MCF2L: variants seen among roughly 807,000 people sequenced by gnomAD.
MCF2L encodes the protein guanine nucleotide exchange factor DBS.
In MCF2L, 97 loss-of-function variants were observed where a neutral mutation model predicts 153.4. The ratio of observed to expected loss-of-function variants is 0.63; its 90% CI spans 0.54 to 0.75. The LOEUF (loss-of-function observed/expected upper bound fraction) is 0.75, where lower values mean the gene tolerates loss of function less well. MCF2L is among the 30% of genes least tolerant of loss of function. The pLI is 0.00. For synonymous variants in MCF2L, 659 were observed against 632.2 expected (o/e 1.04, Z -0.64); for missense variants, 1,347 against 1,495.2 (o/e 0.90, Z 1.64).
At chr13:113,094,942 A>C (rs1208599047) in intron 27 of MCF2L, 14 of 1,384,906 alleles carry the variant, frequency 1.0e-5, no homozygotes, top group African/African-American at 1.5e-5. Flanking sequence ...TCTCAGCAGC[A>C]CTTTGTGTTT....
chr13:113,091,621 C>T (rs1230608141), intron 26 of MCF2L, among the ~76,000 whole-genome samples: 1 of 152,094 alleles, frequency 6.6e-6, no homozygotes, highest in Non-Finnish European at 1.5e-5. Flanking sequence ...CTGGCAGGGC[C>T]GACCCGGACC....
chr13:113,073,023 C>G (rs9577205), intron 9 of MCF2L, among the ~76,000 whole-genome samples: 9,804 of 139,322 alleles, frequency 0.07, 474 homozygotes, highest in East Asian at 0.25. Flanking sequence ...TTTTCATTTA[C>G]TCCAGCTTTT....
At chr13:112,986,556 C>G (rs1169062957) in intron 1 of MCF2L, among the ~76,000 whole-genome samples, 1 of 152,240 alleles carries the variant, frequency 6.6e-6, no homozygotes, top group Non-Finnish European at 1.5e-5. Flanking sequence ...GGCGGTGCTC[C>G]CGGGAGACCA....
chr13:112,919,960 CT>C (rs1456257334), intron 2 of MCF2L, among the ~76,000 whole-genome samples: 1 of 152,194 alleles, frequency 6.6e-6, no homozygotes, highest in Non-Finnish European at 1.5e-5. Flanking sequence ...CTCTTTCCTT[CT>C]TTTCTTATGG....
intron 1 of MCF2L, among the ~76,000 whole-genome samples, chr13:112,985,697 C>T (rs1302724008): frequency 6.6e-6 from 1 of 152,180 alleles, no homozygotes; most frequent in Non-Finnish European, 1.5e-5. Context: ...TAATTTATGT[C>T]ACAGTTACCA....
chr13:112,968,745 C>T (rs534123761), upstream of MCF2L: 4 of 1,381,548 alleles, frequency 2.9e-6, 1 homozygote, highest in African/African-American at 6.1e-5. Context: ...GGCGCGGCCC[C>T]GCGGAGGCAG....
In MCF2L at chr13:112,971,884, C is replaced by T. The variant is rs562816929; in HGVS notation, c.79+2426C>T. 8.5e-5 allele frequency among the ~76,000 whole-genome samples: 13 copies of T among 152,260 alleles called. 1 individual carries two copies. The highest frequency in any genetic ancestry group is 3.9e-4 in the East Asian group (2 of 5,190). ...CATTGGTGAAAAGGTAGAAGACATT[C>T]GAGGGAGCAATGCTATGGATCTAGT... On this transcript the variant is annotated intron_variant, in intron 1 of 29. Coordinates refer to ENST00000535094, the MANE Select transcript of MCF2L (RefSeq NM_001112732.3).
At position 113,097,068 on chromosome 13, in the gene MCF2L, A is replaced by G. The variant is rs1404133488; in HGVS notation, c.*209A>G. 3 of 369,856 alleles carry G rather than the reference A, an allele frequency of 8.1e-6. No homozygotes were observed. 22.9% of individuals were successfully genotyped at this position (369,856 alleles called of 1,614,324 possible). A position where few individuals can be genotyped will look rare whatever the true frequency, so the allele number is the denominator to read the frequency against. ...GGCTTCCCCGGAGACTCCAGAGCCCACAGAGGAGGGGCCGCAGGGAACAGC... is the reference window on the plus strand; with the variant it reads ...GGCTTCCCCGGAGACTCCAGAGCCCGCAGAGGAGGGGCCGCAGGGAACAGC... On this transcript the variant is annotated 3_prime_UTR_variant, in exon 30 of 30. Transcript: ENST00000535094.
intron 1 of MCF2L, chr13:113,002,021 GGT>G (rs1259654472): frequency 4.0e-6 from 6 of 1,517,236 alleles, no homozygotes; most frequent in Non-Finnish European, 4.4e-6. Flanking sequence ...CTCCCCGGAA[GGT>G]GTTGTGGGGC....
At chr13:113,023,654 C>T (rs549227442) in intron 2 of MCF2L, among the ~76,000 whole-genome samples, 268 of 152,304 alleles carry the variant, frequency 1.8e-3, no homozygotes, top group Non-Finnish European at 2.7e-3. Context: ...GCTTGAAAAG[C>T]CCTATTTTAC....
chr13:112,900,092 G>C (rs1218364997), intron 1 of MCF2L, among the ~76,000 whole-genome samples: 1 of 152,192 alleles, frequency 6.6e-6, no homozygotes, highest in Non-Finnish European at 1.5e-5. Context: ...GGAGGTTTCA[G>C]ATCACGATCA....
intron 2 of MCF2L, among the ~76,000 whole-genome samples, chr13:112,911,607 G>C (rs1057310059): frequency 9.9e-5 from 15 of 152,156 alleles, no homozygotes; most frequent in African/African-American, 3.4e-4. Flanking sequence ...TGGTCACCCG[G>C]GCTGCAGGCG....
In MCF2L at chr13:113,088,624, A is replaced by G. The variant is rs776828901; in HGVS notation, c.2830A>G (p.Thr944Ala). ...CCTGCCCCTGCCGGCCCCGACCAGCACCAGGTGAGAATGGACACGCTGCCG... is the reference window on the plus strand; with the variant it reads ...CCTGCCCCTGCCGGCCCCGACCAGCGCCAGGTGAGAATGGACACGCTGCCG... Reference protein sequence around the residue: ...QSLPLPAPTSTSPSRGNSRNI... With the variant: ...QSLPLPAPTSASPSRGNSRNI... Residue 944 changes from threonine to alanine, a missense_variant, in exon 25 of 30, where the codon ACC (threonine) becomes GCC (alanine). Physicochemically the swap from Thr to Ala is moderately conservative, Grantham distance 58 (BLOSUM62 0). Around this residue, in one of 3 missense-constraint regions of MCF2L, gnomAD observed 383 missense variants for 335.4 expected, o/e 1.14. Transcript: ENST00000535094. The G allele has an allele frequency of 1.9e-6, 3 of 1,606,762 alleles. No individual in the cohort carries two copies. Among genetic ancestry groups the G allele is most frequent in the Non-Finnish European group, 2.5e-6 (3 of 1,179,758 alleles).
chr13:112,917,873 G>A (rs958791848), intron 2 of MCF2L, among the ~76,000 whole-genome samples: 9 of 152,262 alleles, frequency 5.9e-5, no homozygotes, highest in African/African-American at 2.2e-4. Flanking sequence ...CTCTGACCTA[G>A]CCTCACCTGC....
chr13:112,906,093 C>T (rs1308765915), intron 2 of MCF2L, among the ~76,000 whole-genome samples: 1 of 152,190 alleles, frequency 6.6e-6, no homozygotes, highest in Non-Finnish European at 1.5e-5. Flanking sequence ...CATTGATGAG[C>T]TTATTTTCCA....
upstream of MCF2L, chr13:112,967,899 G>A (rs1177454055): frequency 5.6e-6 from 1 of 178,980 alleles, no homozygotes; most frequent in Non-Finnish European, 1.2e-5. Context: ...TGCCGGAATG[G>A]TACACGGATG....
chr13:113,087,490 TGGCC>T, intron 22 of MCF2L, 34 bp downstream of exon 22: 2 of 1,529,646 alleles, frequency 1.3e-6, no homozygotes, highest in Non-Finnish European at 1.8e-6. Context: ...AGCACGCTCC[TGGCC>T]ACAGACCCCG....
At chr13:112,966,339 G>T (rs557944971), upstream of MCF2L, among the ~76,000 whole-genome samples, 6 of 152,352 alleles carry the variant, frequency 3.9e-5, no homozygotes, top group South Asian at 4.1e-4. This position sits in a 1 kb window ranked among gnomAD's most constrained non-coding sequence, Gnocchi z 4.1. Context: ...ACTGGGGAGA[G>T]TTGGGTTGCA....
chr13:113,027,118 G>T lies in MCF2L; in HGVS notation c.278+2360G>T, dbSNP rs1405151693. 1 of 717,680 alleles carries T rather than the reference G, an allele frequency of 1.4e-6. No homozygotes were observed. The highest frequency in any genetic ancestry group is 2.5e-6 in the Non-Finnish European group (1 of 393,392). The allele number at this position is 717,680 out of a possible 1,614,324, so 44.5% of individuals were successfully genotyped here. ...ACATAAGGTGGCAAAACACAGAGGA[G>T]ATGTTTAACCATCAGCGTGAAAGTG... On this transcript the variant is annotated intron_variant, in intron 3 of 29. Coordinates refer to ENST00000535094, the MANE Select transcript of MCF2L (RefSeq NM_001112732.3). This position sits in a 1 kb window ranked among gnomAD's most constrained non-coding sequence, Gnocchi z 4.8.
Sources: allele counts gnomAD v4.1 joint callset (sites outside exome capture counted in the v4.1 genomes callset), GRCh38; gene constraint gnomAD v4.1.1; regional missense constraint gnomAD v4.1.1; non-coding constraint Gnocchi (gnomAD v3.1); transcripts MANE v1.5; gene names NCBI Gene and HGNC (gene_info 2026-07-23, HGNC 2026-07-21).